The following CEP135 variants were observed in gnomAD, a reference collection of about 807,000 sequenced individuals.
The protein encoded by CEP135 is centrosomal protein of 135 kDa.
A neutral mutation model predicts 157.3 loss-of-function variants in CEP135; 142 were observed. That is an observed-to-expected ratio of 0.90 (90% CI 0.79 to 1.04). The LOEUF (loss-of-function observed/expected upper bound fraction) is 1.04, where lower values mean the gene tolerates loss of function less well. Ranked by LOEUF, CEP135 falls within the 50% of genes least tolerant of loss-of-function variation. The probability of loss-of-function intolerance (pLI) is 0.00; values close to 1 mark genes in which losing one functional copy is unlikely to be tolerated. For synonymous variants in CEP135, 396 were observed against 439.8 expected (o/e 0.90, Z 1.25); for missense variants, 1,317 against 1,309.2 (o/e 1.01, Z -0.09).
chr4:55,972,081 T>G (rs1729045930), intron 10 of CEP135, among the ~76,000 whole-genome samples: 1 of 151,770 alleles, frequency 6.6e-6, no homozygotes, highest in Non-Finnish European at 1.5e-5. Context: ...ACTTGGGAGG[T>G]GGAGGTTGCA....
chr4:55,974,509 C>A (rs73820222), intron 10 of CEP135, among the ~76,000 whole-genome samples: 6 of 152,090 alleles, frequency 3.9e-5, no homozygotes, highest in African/African-American at 1.4e-4. Flanking sequence ...TACGATAAGA[C>A]AAAAGCAGGG....
chr4:55,998,697 T>C (rs1228328172), intron 15 of CEP135, among the ~76,000 whole-genome samples: 1 of 152,134 alleles, frequency 6.6e-6, no homozygotes, highest in Non-Finnish European at 1.5e-5. Flanking sequence ...AAACCCCGTC[T>C]CTACTAAAAA....
At chr4:55,987,835 T>G (rs2109695038) in intron 14 of CEP135, among the ~76,000 whole-genome samples, 1 of 152,282 alleles carries the variant, frequency 6.6e-6, no homozygotes, top group South Asian at 2.1e-4. Flanking sequence ...ATATTCAGAC[T>G]AATATTTAGT....
chr4:56,009,269 T>C (rs1322543088), intron 18 of CEP135, among the ~76,000 whole-genome samples: 1 of 152,096 alleles, frequency 6.6e-6, no homozygotes, highest in Non-Finnish European at 1.5e-5. Context: ...TCACGCCATT[T>C]TCCTGCCTCA....
chr4:55,969,622 A>G (rs1728958800), intron 9 of CEP135, among the ~76,000 whole-genome samples: 2 of 152,080 alleles, frequency 1.3e-5, no homozygotes, highest in African/African-American at 4.8e-5. Flanking sequence ...ATGTGGTAGC[A>G]TTTATGAGTA....
chr4:56,021,240 A>G (rs529771639), intron 24 of CEP135, among the ~76,000 whole-genome samples: 1 of 152,320 alleles, frequency 6.6e-6, no homozygotes, highest in African/African-American at 2.4e-5. Flanking sequence ...AGCAGTTAAC[A>G]AATGTGGACC....
chr4:55,977,948 C>T (rs1029961655), intron 11 of CEP135, among the ~76,000 whole-genome samples: 1 of 152,176 alleles, frequency 6.6e-6, no homozygotes, highest in South Asian at 2.1e-4. Context: ...TGAGTGCCTG[C>T]TCTGAATGAG....
intron 15 of CEP135, among the ~76,000 whole-genome samples, chr4:55,993,859 A>G (rs772152181): frequency 9.2e-5 from 14 of 152,278 alleles, no homozygotes; most frequent in Middle Eastern, 3.4e-3. Context: ...TATGAGCTCA[A>G]TCAGCCTCTT....
At chr4:55,988,179 C>G (rs1156781887) in intron 14 of CEP135, among the ~76,000 whole-genome samples, 1 of 146,156 alleles carries the variant, frequency 6.8e-6, no homozygotes, top group Admixed American at 7.1e-5. Context: ...CCAACTTGAT[C>G]TATAGAGTTG....
intron 9 of CEP135, among the ~76,000 whole-genome samples, chr4:55,969,428 T>TAAA (rs5858359): frequency 7.7e-6 from 1 of 129,140 alleles, no homozygotes; most frequent in Non-Finnish European, 1.6e-5. Flanking sequence ...ACTCCATCTT[T>TAAA]AAAAAAAAAA....
At chr4:55,964,159 A>T in intron 6 of CEP135, 115 bp from the exon 7 acceptor site, 1 of 919,304 alleles carries the variant, frequency 1.1e-6, no homozygotes, top group Non-Finnish European at 1.6e-6. Context: ...TATGAATGTT[A>T]ATCTCTTGCA....
At chr4:55,971,623 C>T (rs1371148429) in intron 10 of CEP135, among the ~76,000 whole-genome samples, 2 of 152,016 alleles carry the variant, frequency 1.3e-5, no homozygotes, top group South Asian at 2.1e-4. Context: ...TACAGGGAGC[C>T]CTGCTTGAAT....
chr4:55,986,518 G>T (rs901443589), intron 14 of CEP135, among the ~76,000 whole-genome samples: 4 of 152,024 alleles, frequency 2.6e-5, no homozygotes. Flanking sequence ...CTCCAGTCTG[G>T]GTGACAGAGC....
At chr4:55,964,248 A>T in intron 6 of CEP135, 26 bp from the exon 7 acceptor site, 36 of 1,576,922 alleles carry the variant, frequency 2.3e-5, no homozygotes, top group Non-Finnish European at 3.1e-5. Context: ...AGATTTTTTA[A>T]AATGACAGCA....
At chr4:55,968,766 C>A (rs1728922665) in intron 8 of CEP135, among the ~76,000 whole-genome samples, 1 of 152,090 alleles carries the variant, frequency 6.6e-6, no homozygotes, top group Non-Finnish European at 1.5e-5. Context: ...ATAGGAAAAT[C>A]AGGAAATGAC....
chr4:55,966,845 T>G (rs991110224), intron 8 of CEP135, among the ~76,000 whole-genome samples: 3 of 152,202 alleles, frequency 2.0e-5, no homozygotes, highest in Non-Finnish European at 4.4e-5. Context: ...TTTAAGTTGG[T>G]AATTATAATA....
At chr4:55,988,182 T>C (rs1729659777) in intron 14 of CEP135, among the ~76,000 whole-genome samples, 1 of 145,204 alleles carries the variant, frequency 6.9e-6, no homozygotes, top group Non-Finnish European at 1.5e-5. Context: ...ACTTGATCTA[T>C]AGAGTTGAGG....
intron 1 of CEP135, among the ~76,000 whole-genome samples, chr4:55,950,866 C>T (rs1438041417): frequency 1.3e-5 from 2 of 151,964 alleles, no homozygotes; most frequent in Non-Finnish European, 2.9e-5. Context: ...ACCACTACCC[C>T]AATCAATGTA....
chr4:55,966,852 A>C (rs775196923), intron 8 of CEP135, among the ~76,000 whole-genome samples: 146 of 152,162 alleles, frequency 9.6e-4, no homozygotes, highest in Non-Finnish European at 1.7e-3. Context: ...TGGTAATTAT[A>C]ATAACATTTT....
Sources: gnomAD v4.1 joint callset for allele counts (sites outside exome capture counted in the v4.1 genomes callset) on GRCh38, gnomAD v4.1.1 for gene constraint, MANE v1.5 for transcripts, NCBI Gene and HGNC (gene_info 2026-07-23, HGNC 2026-07-21) for gene names.